The following FLT1 variants were observed in gnomAD, a reference collection of about 807,000 sequenced individuals.
The protein encoded by FLT1 is fms related receptor tyrosine kinase 1, also known as vascular endothelial growth factor receptor 1.
In FLT1, 49 loss-of-function variants were observed where a neutral mutation model predicts 156.3. The ratio of observed to expected loss-of-function variants is 0.31; its 90% CI spans 0.25 to 0.40. The LOEUF (loss-of-function observed/expected upper bound fraction) is 0.40, where lower values mean the gene tolerates loss of function less well. FLT1 is among the 10% of genes least tolerant of loss of function. The pLI is 1.00. For missense variants in FLT1, 1,322 were observed against 1,637.2 expected (o/e 0.81, Z 3.32); for synonymous variants, 594 against 583.8 (o/e 1.02, Z -0.25).
intron 10 of FLT1, among the ~76,000 whole-genome samples, chr13:28,408,898 GA>G (rs150631409): frequency 0.063 from 9,526 of 150,094 alleles, 583 homozygotes; most frequent in Admixed American, 0.2. Flanking sequence ...CCCCTGAAAG[GA>G]AAAAAAAAAT....
intron 14 of FLT1, among the ~76,000 whole-genome samples, chr13:28,362,721 A>G (rs1358695662): frequency 6.6e-6 from 1 of 152,168 alleles, no homozygotes; most frequent in Non-Finnish European, 1.5e-5. Context: ...AAGTTAAAGG[A>G]CTTGGATTTC....
At chr13:28,320,197 G>A (rs1329057395) in intron 23 of FLT1, among the ~76,000 whole-genome samples, 3 of 152,150 alleles carry the variant, frequency 2.0e-5, no homozygotes, top group African/African-American at 4.8e-5. Flanking sequence ...GAAGTGGGAG[G>A]GGCAGGGAGG....
At chr13:28,382,874 C>CAAA in intron 14 of FLT1, among the ~76,000 whole-genome samples, 1 of 152,230 alleles carries the variant, frequency 6.6e-6, no homozygotes, top group South Asian at 2.1e-4. Context: ...TGTAAGGTCT[C>CAAA]TCTAAGACAT....
intron 14 of FLT1, among the ~76,000 whole-genome samples, chr13:28,362,116 T>C (rs888827089): frequency 6.6e-6 from 1 of 152,100 alleles, no homozygotes; most frequent in Non-Finnish European, 1.5e-5. Flanking sequence ...CCTATAGGAA[T>C]TGGTGCTTTA....
At chr13:28,331,703 A>G (rs1382629438) in intron 18 of FLT1, among the ~76,000 whole-genome samples, 1 of 152,240 alleles carries the variant, frequency 6.6e-6, no homozygotes, top group Non-Finnish European at 1.5e-5. Flanking sequence ...GTGCTGGATT[A>G]CAGGCATGAG....
chr13:28,410,328 G>GT (rs1593759184), intron 10 of FLT1, among the ~76,000 whole-genome samples: 2 of 152,262 alleles, frequency 1.3e-5, no homozygotes, highest in East Asian at 3.9e-4. Context: ...TAAGTATTGT[G>GT]TTTTCTTTGA....
intron 1 of FLT1, among the ~76,000 whole-genome samples, chr13:28,485,960 A>C (rs966211724): frequency 1.3e-5 from 2 of 152,202 alleles, no homozygotes. Context: ...GCCTAGCCCA[A>C]AGGTCTAGAA....
intron 10 of FLT1, among the ~76,000 whole-genome samples, chr13:28,421,443 A>G (rs1206039486): frequency 1.3e-5 from 2 of 152,206 alleles, no homozygotes; most frequent in African/African-American, 4.8e-5. Context: ...GCATGCCTTC[A>G]TTTGTTTGGG....
In FLT1 at chr13:28,493,522, G is replaced by T. The variant is rs745622696; in HGVS notation, c.64+1258C>A. Among the ~76,000 whole-genome samples, 5 of 151,572 alleles carry T rather than the reference G, an allele frequency of 3.3e-5. No individual in the cohort carries two copies. The East Asian group carries it at 5.8e-4, about 18-fold the overall frequency. ...GCTTTTTGGGTTTAACAAGCTTTTT[G>T]TTGTTGTTGTTGTTGTACTACGCTC... On this transcript the variant is annotated intron_variant, in intron 1 of 29. Transcript: ENST00000282397.
At chr13:28,367,790 T>C (rs181977550) in intron 14 of FLT1, among the ~76,000 whole-genome samples, 2,270 of 151,382 alleles carry the variant, frequency 0.015, 57 homozygotes, top group African/African-American at 0.052. Flanking sequence ...CTCAGTTGAC[T>C]ATATGTATTG....
chr13:28,431,243 C>T lies in FLT1; in HGVS notation c.881G>A (p.Ser294Asn). 6.2e-7 allele frequency: 1 copy of T among 1,613,512 alleles called. No individual in the cohort carries two copies. Among genetic ancestry groups the T allele is most frequent in the Non-Finnish European group, 8.5e-7 (1 of 1,179,436 alleles). The change falls in exon 7 of 30, where the codon AGT becomes AAT. Residue 294 changes from serine (S) to asparagine (N), a missense_variant. Ser to Asn is a conservative substitution (Grantham distance 46). Transcript: ENST00000282397. ...CTGCATTTTGTCAATAGTAAGAACA[C>T]TGTAGAATATGTTGGCATGGGAATT... ...QSNSHANIFYSVLTIDKMQNK... is the reference protein window; with the variant it reads ...QSNSHANIFYNVLTIDKMQNK...
At chr13:28,464,389 C>T (rs1210745918) in intron 3 of FLT1, among the ~76,000 whole-genome samples, 1 of 152,218 alleles carries the variant, frequency 6.6e-6, no homozygotes, top group Non-Finnish European at 1.5e-5. Context: ...CCACTGCTCC[C>T]CGACAATCCC....
intron 29 of FLT1, among the ~76,000 whole-genome samples, chr13:28,306,063 A>T (rs1446971923): frequency 4.6e-5 from 7 of 152,344 alleles, no homozygotes; most frequent in African/African-American, 9.6e-5. Context: ...GTCCAGCACC[A>T]TTGCAAGGTA....
At chr13:28,413,654 T>A (rs1876462696) in intron 10 of FLT1, among the ~76,000 whole-genome samples, 2 of 152,166 alleles carry the variant, frequency 1.3e-5, no homozygotes, top group African/African-American at 4.8e-5. Context: ...CTTTAACACA[T>A]TCAAGAAGGA....
intron 13 of FLT1, chr13:28,385,552 T>C (rs953961633): frequency 9.9e-7 from 1 of 1,012,882 alleles, no homozygotes; most frequent in African/African-American, 1.7e-5. Context: ...GGAGAATTTC[T>C]TGAACTTTGA....
intron 13 of FLT1, chr13:28,388,857 AG>A: frequency 9.4e-7 from 1 of 1,063,116 alleles, no homozygotes; most frequent in Non-Finnish European, 1.1e-6. Flanking sequence ...TAATAACCAG[AG>A]GACAGGAATA....
Position 28,322,337 on chromosome 13 carries a change from C to T in FLT1, c.2976G>A (p.Glu992=), listed in dbSNP as rs775770886. ...AAATCAGATCTTCCATAGTGATGGG[C>T]TCCTTGTAGAAACCGTCAGAATCTG... is the stretch of plus-strand genomic sequence containing the variant. ...EEEDSDGFYK[E]PITMEDLISY... The change falls in exon 22 of 30, where the codon GAG becomes GAA. Residue 992 remains glutamate, a synonymous_variant. Coordinates refer to ENST00000282397, the MANE Select transcript of FLT1 (RefSeq NM_002019.4). The surrounding 1 kb of genome is among the most constrained non-coding windows in gnomAD (Gnocchi z 4.3). 14 of 1,612,314 alleles carry T rather than the reference C, an allele frequency of 8.7e-6. No individual in the cohort carries two copies. The highest frequency in any genetic ancestry group is 1.2e-5 in the Non-Finnish European group (14 of 1,178,346).
intron 3 of FLT1, among the ~76,000 whole-genome samples, chr13:28,448,839 G>A (rs1878762320): frequency 6.6e-6 from 1 of 152,158 alleles, no homozygotes; most frequent in African/African-American, 2.4e-5. Context: ...AGCTGGCTGA[G>A]CTGGAATGGT....
chr13:28,460,834 G>A (rs1049652256), intron 3 of FLT1, among the ~76,000 whole-genome samples: 25 of 150,304 alleles, frequency 1.7e-4, no homozygotes, highest in East Asian at 5.8e-4. Flanking sequence ...ACACACGCAC[G>A]TATGTACTTT....
Sources: allele counts gnomAD v4.1 joint callset (sites outside exome capture counted in the v4.1 genomes callset), GRCh38; gene constraint gnomAD v4.1.1; non-coding constraint Gnocchi (gnomAD v3.1); transcripts MANE v1.5; gene names NCBI Gene and HGNC (gene_info 2026-07-23, HGNC 2026-07-21).